Variants in RIC3 observed in about 807,000 individuals in gnomAD.
The protein encoded by RIC3 is protein RIC-3.
A neutral mutation model predicts 27.3 loss-of-function variants in RIC3; 28 were observed. That is an observed-to-expected ratio of 1.02 (90% CI 0.76 to 1.41). The LOEUF is 1.41. Ranked by LOEUF, RIC3 falls within the 40% of genes most tolerant of loss-of-function variation. RIC3 has a pLI of 0.00. For missense variants in RIC3, 501 were observed against 444.7 expected (o/e 1.13, Z -1.14); for synonymous variants, 184 against 160.4 (o/e 1.15, Z -1.11).
Position 8,106,672 on chromosome 11 carries a change from C to CGAGAT in RIC3, c.*4021_*4025dup, listed in dbSNP as rs1355866377. ...ACCCTAACCCATTTAAACAGGACCT[C>CGAGAT]GAGATGCTTAGGAATCTTTTTTTGT... On this transcript the variant is annotated 3_prime_UTR_variant, in exon 6 of 6. Coordinates refer to ENST00000309737, the MANE Select transcript of RIC3 (RefSeq NM_001206671.4). 1 of 81,852 alleles carries CGAGAT rather than the reference C, an allele frequency of 1.2e-5. No individual in the cohort carries two copies. Among genetic ancestry groups the CGAGAT allele is most frequent in the Non-Finnish European group, 2.4e-5 (1 of 42,438 alleles). The allele number at this position is 81,852 out of a possible 1,614,324, so 5.1% of individuals were successfully genotyped here.
In RIC3 at chr11:8,106,209, A is replaced by G. The variant is rs1309988649; in HGVS notation, c.*4489T>C. Reference sequence around the variant, plus strand: ...ATTTAGTGTTTGTCTAAGTACACACATATATCAACAAATTAAACTTGAATC... The same window carrying G: ...ATTTAGTGTTTGTCTAAGTACACACGTATATCAACAAATTAAACTTGAATC... On this transcript the variant is annotated 3_prime_UTR_variant, in exon 6 of 6. Coordinates refer to ENST00000309737, the MANE Select transcript of RIC3 (RefSeq NM_001206671.4). 6.6e-6 allele frequency: 1 copy of G among 152,168 alleles called. No homozygotes were observed. The highest frequency in any genetic ancestry group is 1.5e-5 in the Non-Finnish European group (1 of 67,986). The allele number at this position is 152,168 out of a possible 1,614,324, so 9.4% of individuals were successfully genotyped here.
chr11:8,148,848 T>C (rs1375788615), intron 1 of RIC3, among the ~76,000 whole-genome samples: 1 of 151,794 alleles, frequency 6.6e-6, no homozygotes, highest in Non-Finnish European at 1.5e-5. Flanking sequence ...ATAAACTAAA[T>C]ATTCAAGTTT....
intron 4 of RIC3, among the ~76,000 whole-genome samples, chr11:8,127,205 G>C (rs1023968790): frequency 8.5e-5 from 13 of 152,112 alleles, no homozygotes; most frequent in African/African-American, 3.1e-4. Context: ...TCTGAAGCAA[G>C]GTCATCAAAG....
At chr11:8,143,516 A>G (rs1049639840) in intron 1 of RIC3, among the ~76,000 whole-genome samples, 1 of 151,654 alleles carries the variant, frequency 6.6e-6, no homozygotes, top group African/African-American at 2.4e-5. Context: ...CCACTGCTCA[A>G]GGAAATAAAA....
chr11:8,101,833 GGGATGAGAAT>G, downstream of RIC3: 1 of 711,134 alleles, frequency 1.4e-6, no homozygotes, highest in Non-Finnish European at 2.2e-6. Context: ...TGGGTGTGAA[GGGATGAGAAT>G]AATTCTTTCC....
chr11:8,127,002 A>G, intron 4 of RIC3, 195 bp from the exon 5 acceptor site: 1 of 665,390 alleles, frequency 1.5e-6, no homozygotes, highest in Non-Finnish European at 2.5e-6. Context: ...ATAAATGGGA[A>G]AATTAAAGCC....
intron 4 of RIC3, among the ~76,000 whole-genome samples, chr11:8,137,071 C>G (rs1364633366): frequency 1.3e-5 from 2 of 152,194 alleles, no homozygotes; most frequent in Non-Finnish European, 2.9e-5. Context: ...ATTGCCCAGG[C>G]TGGAGTGCAA....
chr11:8,121,895 T>C (rs1282698019), intron 5 of RIC3, among the ~76,000 whole-genome samples: 1 of 152,092 alleles, frequency 6.6e-6, no homozygotes, highest in African/African-American at 2.4e-5. Flanking sequence ...AATTAACCTT[T>C]TTTATTTTGA....
chr11:8,161,838 G>C (rs1951190563), intron 1 of RIC3, among the ~76,000 whole-genome samples: 1 of 152,164 alleles, frequency 6.6e-6, no homozygotes, highest in Non-Finnish European at 1.5e-5. Context: ...ATATAAATGA[G>C]ACACTCCCAC....
intron 1 of RIC3, among the ~76,000 whole-genome samples, chr11:8,154,571 T>A (rs1201280752): frequency 6.6e-6 from 1 of 152,218 alleles, no homozygotes; most frequent in Non-Finnish European, 1.5e-5. Flanking sequence ...GGCCAACAAA[T>A]GTATCCATGT....
chr11:8,096,682 C>A, the RIC3 span: 3 of 1,588,230 alleles, frequency 1.9e-6, no homozygotes, highest in Admixed American at 3.3e-5. Context: ...CTCCTTGGCC[C>A]AGGCATCTCC....
chr11:8,098,963 C>A, the RIC3 span: 1 of 970,362 alleles, frequency 1.0e-6, no homozygotes. Context: ...TCCCATCCAT[C>A]TTAGTGGGTA....
chr11:8,095,273 C>G, the RIC3 span, among the ~76,000 whole-genome samples: 1 of 152,172 alleles, frequency 6.6e-6, no homozygotes, highest in African/African-American at 2.4e-5. Context: ...CAACCCTCGG[C>G]AATTAATTTG....
chr11:8,164,003 C>T (rs929793112), intron 1 of RIC3, among the ~76,000 whole-genome samples: 7 of 152,106 alleles, frequency 4.6e-5, no homozygotes, highest in Non-Finnish European at 1.0e-4. Flanking sequence ...GATAAGTATA[C>T]AGATTAATGT....
chr11:8,163,024 CACACACACACACACACACACACACACAT>C (rs1288558974), intron 1 of RIC3, among the ~76,000 whole-genome samples: 152 of 141,656 alleles, frequency 1.1e-3, no homozygotes, highest in African/African-American at 3.2e-3. Flanking sequence ...TTTAAACACA[CACACACACACACACACACACACACACAT>C]ACACACACAC....
intron 1 of RIC3, 38 bp downstream of exon 1, chr11:8,168,828 G>C (rs1590471878): frequency 6.3e-7 from 1 of 1,594,720 alleles, no homozygotes; most frequent in Non-Finnish European, 8.5e-7. Context: ...CGTACTCTTC[G>C]GCGCCGGGAA....
At chr11:8,157,601 T>C (rs974963363) in intron 1 of RIC3, among the ~76,000 whole-genome samples, 30 of 152,166 alleles carry the variant, frequency 2.0e-4, no homozygotes, top group African/African-American at 7.2e-4. Context: ...AGTGTTTTAT[T>C]TGTTTGGGTT....
At chr11:8,147,089 A>G (rs1379671331) in intron 1 of RIC3, among the ~76,000 whole-genome samples, 1 of 152,232 alleles carries the variant, frequency 6.6e-6, no homozygotes, top group African/African-American at 2.4e-5. Flanking sequence ...CTAATCAGAA[A>G]TTCAAAAGAA....
chr11:8,144,679 G>T (rs1291671020), intron 1 of RIC3, among the ~76,000 whole-genome samples: 1 of 152,018 alleles, frequency 6.6e-6, no homozygotes, highest in Non-Finnish European at 1.5e-5. Context: ...CCCATTACTG[G>T]GTATATACCC....
Sources: gnomAD v4.1 joint callset for allele counts (sites outside exome capture counted in the v4.1 genomes callset) on GRCh38, gnomAD v4.1.1 for gene constraint, MANE v1.5 for transcripts, NCBI Gene and HGNC (gene_info 2026-07-23, HGNC 2026-07-21) for gene names.